Variants in ANKS1B observed in about 807,000 individuals in gnomAD.
ANKS1B encodes the protein ankyrin repeat and sterile alpha motif domain-containing protein 1B.
Under a neutral mutation model 148.3 loss-of-function variants are expected in ANKS1B, and 36 were observed. The observed-to-expected ratio is 0.24, with a 90% CI of 0.19 to 0.32. The LOEUF (loss-of-function observed/expected upper bound fraction) is 0.32, where lower values mean the gene tolerates loss of function less well. ANKS1B is among the 10% of genes least tolerant of loss of function. The probability of loss-of-function intolerance (pLI) is 1.00; values close to 1 mark genes in which losing one functional copy is unlikely to be tolerated. For synonymous variants in ANKS1B, 542 were observed against 560.8 expected, an observed-to-expected ratio of 0.97 and a Z score of 0.47; for missense variants, 1,157 against 1,542.6, an observed-to-expected ratio of 0.75 and a Z score of 4.19.
intron 17 of ANKS1B, among the ~76,000 whole-genome samples, chr12:98,958,972 T>C (rs1285353402): frequency 6.6e-6 from 1 of 152,216 alleles, no homozygotes; most frequent in Non-Finnish European, 1.5e-5. Context: ...TTAATAATTA[T>C]AACAGCTTAA....
intron 15 of ANKS1B, among the ~76,000 whole-genome samples, chr12:99,140,838 T>C (rs1460774450): frequency 6.6e-6 from 1 of 152,164 alleles, no homozygotes; most frequent in South Asian, 2.1e-4. Context: ...ATTCTCCTAG[T>C]AAACTCTCCT....
At chr12:99,785,666 C>T in intron 4 of ANKS1B, among the ~76,000 whole-genome samples, 1 of 152,128 alleles carries the variant, frequency 6.6e-6, no homozygotes, top group East Asian at 1.9e-4. Flanking sequence ...CTCCTGACCT[C>T]AAATGATCCG....
intron 25 of ANKS1B, among the ~76,000 whole-genome samples, chr12:98,758,770 C>T (rs971406941): frequency 7.0e-6 from 1 of 142,164 alleles, no homozygotes. Context: ...CTTTTCTTTT[C>T]TTTTCCTTCC....
intron 12 of ANKS1B, among the ~76,000 whole-genome samples, chr12:99,256,325 T>A (rs949906357): frequency 6.6e-6 from 1 of 152,128 alleles, no homozygotes; most frequent in Non-Finnish European, 1.5e-5. Context: ...CTAAACAATT[T>A]AAAAACTTTA....
At chr12:98,957,504 C>T (rs2099864461) in intron 17 of ANKS1B, among the ~76,000 whole-genome samples, 1 of 151,936 alleles carries the variant, frequency 6.6e-6, no homozygotes, top group Admixed American at 6.6e-5. Context: ...CCCACCACCA[C>T]ATCCAGTTAA....
At chr12:99,016,884 AC>A (rs1396164967) in intron 17 of ANKS1B, among the ~76,000 whole-genome samples, 2 of 152,138 alleles carry the variant, frequency 1.3e-5, no homozygotes, top group African/African-American at 2.4e-5. Context: ...TGCCCCAGGG[AC>A]TTGGCTGTAG....
chr12:98,757,199 A>G (rs1448812553), intron 25 of ANKS1B, among the ~76,000 whole-genome samples: 1 of 152,196 alleles, frequency 6.6e-6, no homozygotes. Flanking sequence ...GGTCTCAAAG[A>G]CATTGGAGCT....
At chr12:99,227,247 C>T (rs926791590) in intron 14 of ANKS1B, among the ~76,000 whole-genome samples, 1 of 152,046 alleles carries the variant, frequency 6.6e-6, no homozygotes, top group East Asian at 1.9e-4. Context: ...GGTACCTCCC[C>T]CCTCTCTCGC....
At chr12:99,413,046 T>A (rs1232091728) in intron 11 of ANKS1B, among the ~76,000 whole-genome samples, 1 of 152,172 alleles carries the variant, frequency 6.6e-6, no homozygotes, top group Non-Finnish European at 1.5e-5. Flanking sequence ...CTTTATAGAT[T>A]ATGGCCAAAC....
intron 15 of ANKS1B, among the ~76,000 whole-genome samples, chr12:99,151,659 A>G (rs2074965639): frequency 6.6e-6 from 1 of 152,180 alleles, no homozygotes; most frequent in Non-Finnish European, 1.5e-5. Context: ...TGTTGCATTT[A>G]TGTGTGAGAG....
intron 9 of ANKS1B, chr12:99,648,569 A>G (rs1450553822): frequency 1.2e-6 from 2 of 1,614,170 alleles, no homozygotes; most frequent in African/African-American, 1.3e-5. Context: ...ACCATCCACA[A>G]CAGCGTAAAA....
chr12:99,776,632 A>G (rs2063672888), intron 6 of ANKS1B, among the ~76,000 whole-genome samples: 1 of 152,092 alleles, frequency 6.6e-6, no homozygotes, highest in African/African-American at 2.4e-5. Flanking sequence ...TAGAGAAACC[A>G]AAACTCCAGA....
intron 8 of ANKS1B, among the ~76,000 whole-genome samples, chr12:99,679,717 C>T (rs1002804508): frequency 6.6e-6 from 1 of 152,102 alleles, no homozygotes; most frequent in South Asian, 2.1e-4. Context: ...TTAACTGTAA[C>T]ATCAGAAGTT....
intron 9 of ANKS1B, among the ~76,000 whole-genome samples, chr12:99,546,925 C>T (rs2097177390): frequency 6.6e-6 from 1 of 151,924 alleles, no homozygotes; most frequent in Admixed American, 6.6e-5. Context: ...ATTATTTTAG[C>T]AAGAGGAAAC....
rs2098321715 is a variant in ANKS1B, at chr12:99,642,624, AG to A, written c.1272+12442del. Among the ~76,000 whole-genome samples the A allele has an allele frequency of 2.6e-5, 4 of 151,964 alleles. No homozygotes were observed. In the South Asian group the frequency reaches 8.3e-4, roughly 32 times the overall value. ...TGAGGTCAGGAGTTCAAGACAAGAC[AG>A]GCCAACATGGTGAAACCCCATCTCT... On this transcript the variant is annotated intron_variant, in intron 9 of 26. Transcript: ENST00000683438.
chr12:99,727,210 G>A (rs2058702966), intron 8 of ANKS1B, among the ~76,000 whole-genome samples: 1 of 151,782 alleles, frequency 6.6e-6, no homozygotes, highest in Non-Finnish European at 1.5e-5. Flanking sequence ...GTCCCTTTTT[G>A]CAGATGACAT....
chr12:99,879,326 T>G (rs2092337715), intron 1 of ANKS1B, among the ~76,000 whole-genome samples: 1 of 152,196 alleles, frequency 6.6e-6, no homozygotes, highest in Non-Finnish European at 1.5e-5. Context: ...TGCAGATCAC[T>G]TAATTCCCCT....
intron 14 of ANKS1B, among the ~76,000 whole-genome samples, chr12:99,204,366 C>T (rs558997028): frequency 3.9e-5 from 6 of 152,258 alleles, no homozygotes; most frequent in African/African-American, 1.4e-4. Context: ...CTGTGGGAAA[C>T]CAAATTACTT....
chr12:99,797,148 T>C (rs1348415965), intron 4 of ANKS1B, among the ~76,000 whole-genome samples: 1 of 151,998 alleles, frequency 6.6e-6, no homozygotes, highest in Non-Finnish European at 1.5e-5. Context: ...CTTTTCAAAA[T>C]ATAGATTAAT....
Sources: gnomAD v4.1 joint callset for allele counts (sites outside exome capture counted in the v4.1 genomes callset) on GRCh38, gnomAD v4.1.1 for gene constraint, MANE v1.5 for transcripts, NCBI Gene and HGNC (gene_info 2026-07-23, HGNC 2026-07-21) for gene names.